Variants in ANK2 observed in about 807,000 individuals in gnomAD.
ANK2 encodes ankyrin-2.
Under a neutral mutation model 360.5 loss-of-function variants are expected in ANK2, and 83 were observed. That is an observed-to-expected ratio of 0.23 (90% confidence interval 0.19 to 0.28). The LOEUF (loss-of-function observed/expected upper bound fraction) is 0.28. ANK2 is among the 10% of genes least tolerant of loss of function. The pLI is 1.00. For missense variants in ANK2, 4,201 were observed against 4,795.7 expected, an observed-to-expected ratio of 0.88 and a Z score of 3.66; for synonymous variants, 1,740 against 1,759.5, an observed-to-expected ratio of 0.99 and a Z score of 0.28.
At chr4:113,103,268 G>A (rs2093171252) in intron 1 of ANK2, among the ~76,000 whole-genome samples, 1 of 152,040 alleles carries the variant, frequency 6.6e-6, no homozygotes, top group Admixed American at 6.6e-5. Flanking sequence ...GATGTCATGA[G>A]GACTTGAAAC....
intron 1 of ANK2, among the ~76,000 whole-genome samples, chr4:113,154,593 T>A (rs2097211219): frequency 6.6e-6 from 1 of 152,230 alleles, no homozygotes. Context: ...GTGAAGTGTA[T>A]CAAATATTAG....
chr4:113,181,365 T>A (rs777950957), intron 2 of ANK2, among the ~76,000 whole-genome samples: 2 of 152,210 alleles, frequency 1.3e-5, no homozygotes, highest in Non-Finnish European at 2.9e-5. Context: ...CCACTCTTCC[T>A]AGCTCATCTT....
At position 113,272,787 on chromosome 4, in the gene ANK2, T is replaced by C. The variant is rs1348867580; in HGVS notation, c.1486-1665T>C. 3.3e-5 allele frequency among the ~76,000 whole-genome samples: 5 copies of C among 152,210 alleles called. No individual in the cohort carries two copies. The East Asian group carries it at 9.6e-4, about 29-fold the overall frequency. On this transcript the variant is annotated intron_variant, in intron 14 of 45. Transcript: ENST00000357077. ...AACTATCCCTCTTACTCATGGAAAA[T>C]CTATTTTAGAGTGTGTCACTTGCAA...
chr4:112,863,428 A>G (rs1403660170), intron 1 of ANK2, among the ~76,000 whole-genome samples: 1 of 151,510 alleles, frequency 6.6e-6, no homozygotes, highest in Non-Finnish European at 1.5e-5. Context: ...CAAAGATTAG[A>G]TTTCAGCATT....
chr4:113,296,486 A>G (rs1376557998), intron 22 of ANK2, among the ~76,000 whole-genome samples: 2 of 152,202 alleles, frequency 1.3e-5, no homozygotes, highest in Non-Finnish European at 2.9e-5. Context: ...CCTTTTGATC[A>G]AAGAAAGTTT....
At chr4:113,263,255 G>A (rs2054084930) in intron 13 of ANK2, among the ~76,000 whole-genome samples, 1 of 151,230 alleles carries the variant, frequency 6.6e-6, no homozygotes, top group African/African-American at 2.4e-5. Context: ...AAATGATATG[G>A]AAAACAAGTT....
chr4:113,265,018 T>C (rs1444075234), intron 14 of ANK2, 23 bp downstream of exon 14: 2 of 1,549,264 alleles, frequency 1.3e-6, no homozygotes, highest in Admixed American at 3.9e-5. Context: ...GCCCTGAGGT[T>C]CTCTTCTATC....
intron 18 of ANK2, among the ~76,000 whole-genome samples, chr4:113,285,555 A>G (rs903157226): frequency 6.6e-6 from 1 of 152,184 alleles, no homozygotes; most frequent in African/African-American, 2.4e-5. Flanking sequence ...GATGAAGATG[A>G]GGAGACACAT....
At chr4:113,134,281 CTTTTTT>C (rs5861124) in intron 1 of ANK2, among the ~76,000 whole-genome samples, 10 of 86,096 alleles carry the variant, frequency 1.2e-4, no homozygotes, top group African/African-American at 2.7e-4. Flanking sequence ...TGAAAGTTGT[CTTTTTT>C]TTTTTTTTTT....
At chr4:113,198,890 T>A in intron 3 of ANK2, 121 bp from the exon 4 acceptor site, 1 of 861,070 alleles carries the variant, frequency 1.2e-6, no homozygotes. Flanking sequence ...GGCTACTATC[T>A]TGATAAATAA....
intron 2 of ANK2, among the ~76,000 whole-genome samples, chr4:112,989,415 TA>T (rs1160790128): frequency 6.6e-6 from 1 of 152,210 alleles, no homozygotes; most frequent in African/African-American, 2.4e-5. Context: ...CTCTTAGCCA[TA>T]ATATTTATCT....
At position 113,236,969 on chromosome 4, in the gene ANK2, T is replaced by C. The variant is rs758028654; in HGVS notation, c.484-18T>C. On this transcript the variant is annotated intron_variant, in intron 5 of 45. Coordinates refer to ENST00000357077, the MANE Select transcript of ANK2 (RefSeq NM_001148.6). ...TCTGAAGATGTTAACAGACAATTTT[T>C]ACCTTCCATTTTACCAGGATGGCTT... is the stretch of plus-strand genomic sequence containing the variant. The C allele has an allele frequency of 2.5e-6, 4 of 1,613,814 alleles. No homozygotes were observed. Among genetic ancestry groups the C allele is most frequent in the Non-Finnish European group, 3.4e-6 (4 of 1,179,808 alleles).
chr4:113,274,741 T>A (rs2059625246), intron 15 of ANK2, 92 bp downstream of exon 15: 7 of 1,359,954 alleles, frequency 5.1e-6, no homozygotes, highest in Non-Finnish European at 6.2e-6. Flanking sequence ...AGAGGGTAGA[T>A]CTCCTCAGGC....
At chr4:112,931,509 T>C (rs2154237656) in intron 2 of ANK2, among the ~76,000 whole-genome samples, 1 of 142,002 alleles carries the variant, frequency 7.0e-6, no homozygotes, top group Non-Finnish European at 1.5e-5. Flanking sequence ...TGATCTCAGC[T>C]CACTGCAACC....
chr4:112,954,150 T>C (rs1029987890), intron 2 of ANK2, among the ~76,000 whole-genome samples: 1 of 152,018 alleles, frequency 6.6e-6, no homozygotes, highest in Non-Finnish European at 1.5e-5. Flanking sequence ...GATATTGTTG[T>C]CCCACCCCTG....
At chr4:112,976,483 G>A (rs923715294) in intron 2 of ANK2, among the ~76,000 whole-genome samples, 3 of 152,114 alleles carry the variant, frequency 2.0e-5, no homozygotes, top group Non-Finnish European at 2.9e-5. Context: ...GTGAGCCGTG[G>A]CACCCAGCCT....
At chr4:113,173,490 C>CA (rs2098072047) in intron 1 of ANK2, among the ~76,000 whole-genome samples, 1 of 151,984 alleles carries the variant, frequency 6.6e-6, no homozygotes, top group Non-Finnish European at 1.5e-5. Flanking sequence ...TATTATATGA[C>CA]AAAAAATTAT....
At chr4:112,873,803 A>G (rs2074092854) in intron 1 of ANK2, among the ~76,000 whole-genome samples, 1 of 151,774 alleles carries the variant, frequency 6.6e-6, no homozygotes, top group Non-Finnish European at 1.5e-5. Context: ...CAGCCTCCCA[A>G]AGTGCTGGGA....
chr4:113,331,014 C>T (rs972723277), intron 27 of ANK2, among the ~76,000 whole-genome samples: 3 of 152,078 alleles, frequency 2.0e-5, no homozygotes, highest in African/African-American at 7.2e-5. Context: ...AAGACAAATA[C>T]ATCAAGACTA....
Sources: gnomAD v4.1 joint callset for allele counts (sites outside exome capture counted in the v4.1 genomes callset) on GRCh38, gnomAD v4.1.1 for gene constraint, MANE v1.5 for transcripts, NCBI Gene and HGNC (gene_info 2026-07-23, HGNC 2026-07-21) for gene names.